Variants in MGAT4C observed in about 807,000 individuals in gnomAD.
The protein encoded by MGAT4C is alpha-1,3-mannosyl-glycoprotein 4-beta-N-acetylglucosaminyltransferase C.
MGAT4C carries 19 observed loss-of-function variants against 40.1 expected under a neutral mutation model. The observed-to-expected ratio is 0.47, with a 90% CI of 0.33 to 0.70. MGAT4C has a LOEUF of 0.70. Ranked by LOEUF, MGAT4C falls within the 30% of genes least tolerant of loss-of-function variation. The pLI is 0.02. For missense variants in MGAT4C, 491 were observed against 563.2 expected (o/e 0.87, Z 1.30); for synonymous variants, 181 against 187.1 (o/e 0.97, Z 0.27).
Position 86,631,333 on chromosome 12 carries a change from G to T in MGAT4C, c.-229+95876C>A, listed in dbSNP as rs574871466. On this transcript the variant is annotated intron_variant, in intron 2 of 7. Transcript: ENST00000548651. ...TCGTGAATATGGCCATACTGTCCAA[G>T]GTAATTTCTAGGTTCAATGCCATCC... Among the ~76,000 whole-genome samples the T allele has an allele frequency of 1.7e-4, 26 of 152,142 alleles. No homozygotes were observed. The East Asian group carries it at 4.3e-3, about 25-fold the overall frequency.
intron 2 of MGAT4C, among the ~76,000 whole-genome samples, chr12:86,488,464 A>C (rs1044775128): frequency 5.9e-5 from 9 of 151,690 alleles, no homozygotes; most frequent in African/African-American, 2.2e-4. Context: ...GAAACAAAAC[A>C]TCATTCACTA....
chr12:86,506,951 A>T (rs1374538774), intron 2 of MGAT4C, among the ~76,000 whole-genome samples: 4 of 152,158 alleles, frequency 2.6e-5, no homozygotes, highest in Non-Finnish European at 5.9e-5. Context: ...TTTTAGCCAA[A>T]ATGTTATTGA....
chr12:86,660,206 G>A (rs1963948126), intron 2 of MGAT4C, among the ~76,000 whole-genome samples: 1 of 152,140 alleles, frequency 6.6e-6, no homozygotes, highest in South Asian at 2.1e-4. Context: ...TTTGATAGAT[G>A]TAGAGCCATT....
chr12:86,220,199 CAGA>C (rs1394646298), intron 1 of MGAT4C, among the ~76,000 whole-genome samples: 6 of 152,054 alleles, frequency 3.9e-5, no homozygotes, highest in Admixed American at 6.6e-5. Flanking sequence ...TGTTTCTCCT[CAGA>C]AGAAGATGAC....
intron 3 of MGAT4C, among the ~76,000 whole-genome samples, chr12:86,427,669 C>T (rs1956955499): frequency 6.6e-6 from 1 of 152,092 alleles, no homozygotes; most frequent in East Asian, 1.9e-4. Context: ...TATATAATTG[C>T]CATATGTTCT....
At chr12:86,116,232 T>C (rs973934914) in intron 1 of MGAT4C, among the ~76,000 whole-genome samples, 4 of 151,800 alleles carry the variant, frequency 2.6e-5, no homozygotes, top group South Asian at 2.1e-4. Flanking sequence ...GAAGCAAGCA[T>C]AGGGGTAGAA....
At chr12:86,209,831 A>T (rs1950389682) in intron 1 of MGAT4C, among the ~76,000 whole-genome samples, 1 of 152,172 alleles carries the variant, frequency 6.6e-6, no homozygotes, top group African/African-American at 2.4e-5. Flanking sequence ...TTCTACAATT[A>T]TCCAAAAAGA....
At chr12:86,281,796 T>C (rs1953225718) in intron 4 of MGAT4C, among the ~76,000 whole-genome samples, 1 of 152,172 alleles carries the variant, frequency 6.6e-6, no homozygotes, top group Non-Finnish European at 1.5e-5. Context: ...GAGCTTTTGT[T>C]CATGAGAAAA....
chr12:86,502,414 C>T lies in MGAT4C; in HGVS notation c.-228-67149G>A, dbSNP rs115894513. On this transcript the variant is annotated intron_variant, in intron 2 of 7. Coordinates refer to the MGAT4C transcript ENST00000548651. ...GGCACTGAAACTATTCTGTATGTTG[C>T]TATAATGGCAGATACATAACATTAT... Among the ~76,000 whole-genome samples, 507 of 151,854 alleles carry T rather than the reference C, an allele frequency of 3.3e-3. 1 individual carries two copies. The highest frequency in any genetic ancestry group is 0.012 in the African/African-American group (490 of 41,444).
intron 3 of MGAT4C, among the ~76,000 whole-genome samples, chr12:86,414,596 AC>A (rs150817395): frequency 0.25 from 14,993 of 60,068 alleles, 1,000 homozygotes; most frequent in Middle Eastern, 0.42. Context: ...ATCGTTAGTT[AC>A]TTTTTTAGAG....
chr12:86,706,407 G>T (rs986723966), intron 2 of MGAT4C, among the ~76,000 whole-genome samples: 1 of 151,924 alleles, frequency 6.6e-6, no homozygotes, highest in Non-Finnish European at 1.5e-5. Context: ...TTCATGCTAG[G>T]TTTAAAAATT....
chr12:86,162,201 T>C (rs1449633230), intron 1 of MGAT4C, among the ~76,000 whole-genome samples: 1 of 152,170 alleles, frequency 6.6e-6, no homozygotes, highest in Non-Finnish European at 1.5e-5. Flanking sequence ...ACTCACATGC[T>C]TATTGCTGTA....
rs191764394 is a variant in MGAT4C, at chr12:86,547,915, C to A, written c.-228-112650G>T. On this transcript the variant is annotated intron_variant, in intron 2 of 7. Coordinates refer to the MGAT4C transcript ENST00000548651. ...CTGCCCTAAAAGTTCCTATTCAACA[C>A]TTTGGTTGGCTTTTTCTTGTATTTC... Among the ~76,000 whole-genome samples, 29 of 152,238 alleles carry A rather than the reference C, an allele frequency of 1.9e-4. No individual in the cohort carries two copies. The East Asian group carries it at 5.0e-3, about 26-fold the overall frequency.
intron 1 of MGAT4C, among the ~76,000 whole-genome samples, chr12:86,736,939 ATC>A (rs1209383863): frequency 6.7e-6 from 1 of 150,282 alleles, no homozygotes; most frequent in Non-Finnish European, 1.5e-5. Flanking sequence ...TAATTTTCCC[ATC>A]TCTCTCTTGA....
At chr12:86,348,842 A>G (rs1955097263) in intron 3 of MGAT4C, among the ~76,000 whole-genome samples, 1 of 152,052 alleles carries the variant, frequency 6.6e-6, no homozygotes, top group African/African-American at 2.4e-5. Flanking sequence ...GAAACTTTTA[A>G]AAATCTTGTG....
intron 2 of MGAT4C, among the ~76,000 whole-genome samples, chr12:86,487,863 C>A (rs963425244): frequency 1.3e-5 from 2 of 151,940 alleles, no homozygotes; most frequent in African/African-American, 4.8e-5. Flanking sequence ...ATAAACATTG[C>A]GTCTAAAATA....
intron 1 of MGAT4C, among the ~76,000 whole-genome samples, chr12:86,232,264 A>G (rs1390482645): frequency 6.6e-6 from 1 of 152,234 alleles, no homozygotes; most frequent in Admixed American, 6.5e-5. Flanking sequence ...TAAAAATCCA[A>G]CACTTATTTA....
At chr12:86,621,975 T>G (rs758874376) in intron 2 of MGAT4C, among the ~76,000 whole-genome samples, 2 of 152,178 alleles carry the variant, frequency 1.3e-5, no homozygotes, top group African/African-American at 4.8e-5. Flanking sequence ...GGTAAACAAC[T>G]AATACTCTAC....
intron 3 of MGAT4C, among the ~76,000 whole-genome samples, chr12:86,347,317 T>C (rs1364766403): frequency 1.3e-5 from 2 of 152,150 alleles, no homozygotes; most frequent in African/African-American, 4.8e-5. Context: ...ATTCATGACT[T>C]ACAGAGAAAT....
Sources: gnomAD v4.1 joint callset for allele counts (sites outside exome capture counted in the v4.1 genomes callset) on GRCh38, gnomAD v4.1.1 for gene constraint, MANE v1.5 for transcripts, NCBI Gene and HGNC (gene_info 2026-07-23, HGNC 2026-07-21) for gene names.